RBFOX1: variants seen among roughly 807,000 people sequenced by gnomAD.
RBFOX1 encodes RNA binding fox-1 homolog 1.
Under a neutral mutation model 57.7 loss-of-function variants are expected in RBFOX1, and 8 were observed. That is an observed-to-expected ratio of 0.14 (90% CI 0.08 to 0.25). The LOEUF is 0.25. Ranked by LOEUF, RBFOX1 falls within the 10% of genes least tolerant of loss-of-function variation. The pLI is 1.00. For missense variants in RBFOX1, 611 were observed against 548.5 expected (o/e 1.11, Z -1.14); for synonymous variants, 326 against 222.4 (o/e 1.47, Z -4.15).
At chr16:6,601,721 G>A (rs554524665) in intron 2 of RBFOX1, among the ~76,000 whole-genome samples, 2 of 152,228 alleles carry the variant, frequency 1.3e-5, no homozygotes, top group Middle Eastern at 3.4e-3. Context: ...TCATTCTCCC[G>A]GGTATATTTG....
At chr16:5,381,403 C>A (rs192009527) in intron 1 of RBFOX1, among the ~76,000 whole-genome samples, 1 of 152,208 alleles carries the variant, frequency 6.6e-6, no homozygotes, top group Admixed American at 6.5e-5. Flanking sequence ...AAAACCCTAA[C>A]AGGCACATAA....
intron 3 of RBFOX1, among the ~76,000 whole-genome samples, chr16:6,931,317 C>G (rs1472726339): frequency 3.1e-5 from 4 of 128,450 alleles, no homozygotes; most frequent in African/African-American, 6.8e-5. Context: ...ATCTATCTAT[C>G]TATCTATCTA....
intron 4 of RBFOX1, among the ~76,000 whole-genome samples, chr16:7,382,935 C>T (rs2097803887): frequency 6.6e-6 from 1 of 152,276 alleles, no homozygotes; most frequent in South Asian, 2.1e-4. Flanking sequence ...AGACATCTCC[C>T]TGTAAAGGGT....
intron 4 of RBFOX1, among the ~76,000 whole-genome samples, chr16:7,368,715 G>C (rs898700001): frequency 2.0e-5 from 3 of 151,558 alleles, no homozygotes; most frequent in Non-Finnish European, 2.9e-5. Context: ...GGGAGACAGA[G>C]CTTGCAGTGA....
intron 1 of RBFOX1, among the ~76,000 whole-genome samples, chr16:5,390,746 C>T (rs1596807286): frequency 6.6e-6 from 1 of 152,164 alleles, no homozygotes; most frequent in African/African-American, 2.4e-5. Flanking sequence ...TCACATTATT[C>T]CCTGGGTCAA....
chr16:6,129,579 G>A (rs2096614695), intron 1 of RBFOX1, among the ~76,000 whole-genome samples: 1 of 151,912 alleles, frequency 6.6e-6, no homozygotes, highest in Non-Finnish European at 1.5e-5. Context: ...GAGGTAGGGA[G>A]GAGAGAGAGA....
intron 3 of RBFOX1, among the ~76,000 whole-genome samples, chr16:5,854,082 G>A (rs2056964599): frequency 6.6e-6 from 1 of 152,172 alleles, no homozygotes; most frequent in Admixed American, 6.5e-5. Context: ...TATTCTTTAA[G>A]GTTAACAGTA....
intron 3 of RBFOX1, among the ~76,000 whole-genome samples, chr16:6,925,930 A>ACGATGAG (rs1302160363): frequency 6.6e-6 from 1 of 152,094 alleles, no homozygotes; most frequent in East Asian, 1.9e-4. Context: ...TTTGCAATTA[A>ACGATGAG]TTTATTTTAG....
chr16:7,032,076 C>T (rs1390786099), intron 3 of RBFOX1, among the ~76,000 whole-genome samples: 5 of 152,104 alleles, frequency 3.3e-5, no homozygotes, highest in African/African-American at 4.8e-5. Flanking sequence ...CAGCAACTTT[C>T]GGATGGCCGT....
intron 4 of RBFOX1, among the ~76,000 whole-genome samples, chr16:7,312,718 G>T (rs762749464): frequency 6.6e-6 from 1 of 152,172 alleles, no homozygotes; most frequent in Non-Finnish European, 1.5e-5. Context: ...TGTCAGTAGC[G>T]AAGTTATTTA....
At chr16:6,846,517 A>G (rs2141750285) in intron 3 of RBFOX1, among the ~76,000 whole-genome samples, 1 of 152,308 alleles carries the variant, frequency 6.6e-6, no homozygotes, top group East Asian at 1.9e-4. Context: ...CAAAATGTGT[A>G]ACATACCAGA....
chr16:7,497,599 AT>A (rs1555518538), intron 4 of RBFOX1, among the ~76,000 whole-genome samples: 2 of 152,220 alleles, frequency 1.3e-5, no homozygotes, highest in Non-Finnish European at 2.9e-5. Flanking sequence ...ACAAATGCTT[AT>A]TGTGAACCTA....
chr16:5,929,009 A>C (rs2058993055), intron 4 of RBFOX1, among the ~76,000 whole-genome samples: 1 of 150,116 alleles, frequency 6.7e-6, no homozygotes, highest in Non-Finnish European at 1.5e-5. Context: ...CCACTTTCAA[A>C]GTGTTTAAAG....
At chr16:6,955,062 C>G (rs1413349441) in intron 3 of RBFOX1, among the ~76,000 whole-genome samples, 6 of 120,264 alleles carry the variant, frequency 5.0e-5, no homozygotes, top group Admixed American at 3.3e-4. Flanking sequence ...GAAACCCCAT[C>G]TCTACAAAAA....
chr16:6,832,070 A>C (rs2092745872), intron 3 of RBFOX1, among the ~76,000 whole-genome samples: 1 of 152,218 alleles, frequency 6.6e-6, no homozygotes, highest in South Asian at 2.1e-4. Flanking sequence ...ATATTAATCA[A>C]CCATTTGTAG....
At chr16:6,819,265 C>T (rs978559506) in intron 3 of RBFOX1, among the ~76,000 whole-genome samples, 2 of 152,122 alleles carry the variant, frequency 1.3e-5, no homozygotes, top group African/African-American at 4.8e-5. Context: ...TTTGTGTCTC[C>T]CAGTGGAAAT....
At chr16:7,037,793 T>A (rs1190865559) in intron 3 of RBFOX1, among the ~76,000 whole-genome samples, 1 of 152,182 alleles carries the variant, frequency 6.6e-6, no homozygotes, top group Non-Finnish European at 1.5e-5. Flanking sequence ...GGCTTTCGAT[T>A]TTGTTCTCTG....
chr16:7,129,872 G>A (rs1259927986), intron 4 of RBFOX1, among the ~76,000 whole-genome samples: 3 of 151,784 alleles, frequency 2.0e-5, no homozygotes, highest in Non-Finnish European at 4.4e-5. Context: ...ATAGATGGTG[G>A]ATGAAAAAAT....
Position 7,522,701 on chromosome 16 carries a change from G to A in RBFOX1, c.270+4312G>A, listed in dbSNP as rs549745004. Among the ~76,000 whole-genome samples the A allele has an allele frequency of 7.2e-5, 11 of 152,278 alleles. No individual in the cohort carries two copies. The South Asian group carries it at 2.1e-3, about 29-fold the overall frequency. Reference sequence around the variant, plus strand: ...CAAGGTCCCTACGTGGGGCACAAAAGACAGGAAGCAAGAGATAGGGAATAA... The same window carrying A: ...CAAGGTCCCTACGTGGGGCACAAAAAACAGGAAGCAAGAGATAGGGAATAA... On this transcript the variant is annotated intron_variant, in intron 5 of 15. Coordinates refer to ENST00000550418, the MANE Select transcript of RBFOX1 (RefSeq NM_018723.4).
Sources: allele counts gnomAD v4.1 joint callset (sites outside exome capture counted in the v4.1 genomes callset), GRCh38; gene constraint gnomAD v4.1.1; transcripts MANE v1.5; gene names NCBI Gene and HGNC (gene_info 2026-07-23, HGNC 2026-07-21).